CDC42BPG: variants seen among roughly 807,000 people sequenced by gnomAD.
CDC42BPG encodes CDC42 binding protein kinase gamma.
In CDC42BPG, 157 loss-of-function variants were observed where a neutral mutation model predicts 192.2. The ratio of observed to expected loss-of-function variants is 0.82; its 90% CI spans 0.72 to 0.93. CDC42BPG has a LOEUF of 0.93. CDC42BPG is among the 40% of genes least tolerant of loss of function. The pLI is 0.00. For synonymous variants in CDC42BPG, 981 were observed against 918.5 expected (o/e 1.07, Z -1.23); for missense variants, 1,992 against 2,122.1 (o/e 0.94, Z 1.20).
At position 64,835,792 on chromosome 11, in the gene CDC42BPG, C is replaced by T. The variant is rs767414531; in HGVS notation, c.1728G>A (p.Glu576=). 3.7e-6 allele frequency: 6 copies of T among 1,613,270 alleles called. No individual in the cohort carries two copies. The South Asian group carries it at 4.4e-5, about 12-fold the overall frequency. ...CCTGGGACGACTCCTCAAGGCGTTG[C>T]TCCCACTGTCCCTGCAGCTGCGTCA... The part of the protein sequence containing the change: ...RQVTQLQGQW[E]QRLEESSQAK... The change falls in exon 14 of 37, where the codon GAG becomes GAA. Residue 576 remains glutamate (E), a synonymous_variant. Coordinates refer to ENST00000342711, the MANE Select transcript of CDC42BPG (RefSeq NM_017525.3).
At chr11:64,837,927 C>G (rs1361665435) in intron 9 of CDC42BPG, among the ~76,000 whole-genome samples, 156 bp downstream of exon 9, 2 of 152,214 alleles carry the variant, frequency 1.3e-5, no homozygotes, top group African/African-American at 4.8e-5. Flanking sequence ...GTGGCTTCAC[C>G]AGGACCCCGA....
intron 14 of CDC42BPG, 21 bp from the exon 15 acceptor site, chr11:64,835,642 C>A: frequency 6.4e-7 from 1 of 1,573,174 alleles, no homozygotes; most frequent in Non-Finnish European, 8.6e-7. Flanking sequence ...TGGAGGGGGT[C>A]AGGGCAGAGA....
intron 9 of CDC42BPG, among the ~76,000 whole-genome samples, chr11:64,837,753 C>T (rs149731314): frequency 1.2e-4 from 18 of 152,334 alleles, no homozygotes; most frequent in Middle Eastern, 3.4e-3. Flanking sequence ...TAAGCCACCA[C>T]GCCTGGTCCA....
chr11:64,825,835 G>A (rs535480531), intron 36 of CDC42BPG, among the ~76,000 whole-genome samples: 42 of 152,152 alleles, frequency 2.8e-4, no homozygotes, highest in Non-Finnish European at 5.0e-4. Flanking sequence ...GGAGGCCAAG[G>A]TGGGCGGATC....
chr11:64,835,927 A>G (rs1942963895), intron 13 of CDC42BPG, 76 bp from the exon 14 acceptor site: 1 of 1,411,946 alleles, frequency 7.1e-7, no homozygotes. Flanking sequence ...CATGGACTCC[A>G]GACCTGCCAG....
At position 64,834,740 on chromosome 11, in the gene CDC42BPG, AG is replaced by A. The variant is rs1296702886; in HGVS notation, c.2175+108del. ...CTCAGGGAAATCACTATCTCTCATG[AG>A]CTTGGTGTCCCCACCTCCAGTAGTG... On this transcript the variant is annotated intron_variant, in intron 18 of 36. Coordinates refer to ENST00000342711, the MANE Select transcript of CDC42BPG (RefSeq NM_017525.3). 7 of 1,344,380 alleles carry A rather than the reference AG, an allele frequency of 5.2e-6. No individual in the cohort carries two copies. The African/African-American group carries it at 7.2e-5, about 14-fold the overall frequency. The allele number at this position is 1,344,380 out of a possible 1,614,324, so 83.3% of individuals were successfully genotyped here.
chr11:64,825,588 A>AAGC (rs921642628), intron 36 of CDC42BPG, among the ~76,000 whole-genome samples: 1 of 152,186 alleles, frequency 6.6e-6, no homozygotes, highest in Non-Finnish European at 1.5e-5. Context: ...AGAACATGGC[A>AAGC]AGCCCCAGGG....
In CDC42BPG at chr11:64,836,729, G is replaced by GGGGGGGGT; in HGVS notation, c.1384+9_1384+10insACCCCCCC. The GGGGGGGGT allele has an allele frequency of 8.6e-7, 1 of 1,166,958 alleles. No homozygotes were observed. 72.3% of individuals were successfully genotyped at this position (1,166,958 alleles called of 1,614,324 possible). ...CCTGGGGGGGGGGGGGGGGTGGGCG[G>GGGGGGGGT]AAGGGATACCTGGCAGCCTGTCCCG... is the stretch of plus-strand genomic sequence containing the variant. On this transcript the variant is annotated intron_variant, in intron 11 of 36. Coordinates refer to ENST00000342711, the MANE Select transcript of CDC42BPG (RefSeq NM_017525.3).
chr11:64,835,344 C>A lies in CDC42BPG; in HGVS notation c.1953+3G>T. ...TACCCTCCGTCTGTTGTACCCTGCTCACCCGCTCCTGCTCCCGGCTCAGCC... is the reference window on the plus strand; with the variant it reads ...TACCCTCCGTCTGTTGTACCCTGCTAACCCGCTCCTGCTCCCGGCTCAGCC... On this transcript the variant is annotated splice_donor_region_variant and intron_variant, in intron 16 of 36. Transcript: ENST00000342711. 4 of 1,614,036 alleles carry A rather than the reference C, an allele frequency of 2.5e-6. No individual in the cohort carries two copies. Among genetic ancestry groups the A allele is most frequent in the Non-Finnish European group, 3.4e-6 (4 of 1,180,000 alleles).
Position 64,833,492 on chromosome 11 carries a change from C to T in CDC42BPG, c.2625+108G>A, listed in dbSNP as rs568148050. ...CAAGCTCATCGCCACCACCTCCACC[C>T]CAATTGTGCCTGCTAGCCACGATGC... is the stretch of plus-strand genomic sequence containing the variant. On this transcript the variant is annotated intron_variant, in intron 23 of 36. Coordinates refer to ENST00000342711, the MANE Select transcript of CDC42BPG (RefSeq NM_017525.3). 6.1e-6 allele frequency: 7 copies of T among 1,147,200 alleles called. No individual in the cohort carries two copies. In the East Asian group the frequency reaches 1.5e-4, roughly 25 times the overall value. The allele number at this position is 1,147,200 out of a possible 1,614,324, so 71.1% of individuals were successfully genotyped here.
Position 64,826,690 on chromosome 11 carries a change from G to A in CDC42BPG, c.4494C>T (p.Leu1498=), listed in dbSNP as rs371690004. 96 of 1,558,470 alleles carry A rather than the reference G, an allele frequency of 6.2e-5. No homozygotes were observed. Among genetic ancestry groups the A allele is most frequent in the Middle Eastern group, 5.2e-4 (3 of 5,812 alleles). The change falls in exon 35 of 37, where the codon CTC becomes CTT. Residue 1498 remains leucine, a synonymous_variant. Coordinates refer to ENST00000342711, the MANE Select transcript of CDC42BPG (RefSeq NM_017525.3). ...CCTTACTGGGGTCTGCGTCTCCACC[G>A]AGGCCTTCGCTGCCCATGGAGGCTG... ...RRPASMGSEG[L]GGDADPMKRK...
chr11:64,826,067 GAAAAAAAAAA>G (rs10692629), intron 36 of CDC42BPG, among the ~76,000 whole-genome samples: 1 of 134,006 alleles, frequency 7.5e-6, no homozygotes, highest in Non-Finnish European at 1.6e-5. Context: ...ACTCCATCTG[GAAAAAAAAAA>G]AAAAAAAAGA....
In CDC42BPG at chr11:64,844,379, CG is replaced by C. The variant is rs771017684; in HGVS notation, c.160+30del. 30 of 1,363,874 alleles carry C rather than the reference CG, an allele frequency of 2.2e-5. No individual in the cohort carries two copies. In the Admixed American group the frequency reaches 9.1e-4, roughly 41 times the overall value. 84.5% of individuals were successfully genotyped at this position (1,363,874 alleles called of 1,614,324 possible). On this transcript the variant is annotated intron_variant, in intron 1 of 36. Coordinates refer to ENST00000342711, the MANE Select transcript of CDC42BPG (RefSeq NM_017525.3). ...GGTCTCGGCGCGATATCCCTAGGCC[CG>C]CCCCCGCTCCGTGCCGCCCCGCCAC... is the stretch of plus-strand genomic sequence containing the variant.
At chr11:64,825,196 G>C (rs945028021) in intron 36 of CDC42BPG, among the ~76,000 whole-genome samples, 1 of 152,076 alleles carries the variant, frequency 6.6e-6, no homozygotes, top group African/African-American at 2.4e-5. Flanking sequence ...CGATTACAGG[G>C]GTGAGCCACA....
rs1592675222 is a variant in CDC42BPG, at chr11:64,823,804, A to C, written c.*669T>G. 1 of 150,184 alleles carries C rather than the reference A, an allele frequency of 6.7e-6. No homozygotes were observed. The highest frequency in any genetic ancestry group is 1.5e-5 in the Non-Finnish European group (1 of 67,908). The allele number at this position is 150,184 out of a possible 1,614,324, so 9.3% of individuals were successfully genotyped here. ...AGAGAAAGGACCCTTTGTTCTCCAG[A>C]CTCCCTCTCTCCTCCATCCCTCTTT... On this transcript the variant is annotated 3_prime_UTR_variant, in exon 37 of 37. Transcript: ENST00000342711.
rs778593061 is a variant in CDC42BPG, at chr11:64,834,353, G to A, written c.2326C>T (p.Arg776Cys). Residue 776 changes from arginine to cysteine, a missense_variant and splice_region_variant, in exon 20 of 37, where the codon CGT becomes TGT. This residue lies in a region of CDC42BPG where 1,656 missense variants were observed against 1,844.3 expected (regional missense o/e 0.90). Transcript: ENST00000342711. ...VQEAQLQAER[R>C]LQEAEKQSQA... ...CTCTGCTTCTCGGCCTCCTGCAGACGGCTGGGGAGAATGGCAAGGGCTCGC... is the reference window on the plus strand; with the variant it reads ...CTCTGCTTCTCGGCCTCCTGCAGACAGCTGGGGAGAATGGCAAGGGCTCGC... 3.5e-5 allele frequency: 55 copies of A among 1,568,598 alleles called. No homozygotes were observed. The highest frequency in any genetic ancestry group is 1.9e-4 in the Middle Eastern group (1 of 5,302).
intron 27 of CDC42BPG, among the ~76,000 whole-genome samples, chr11:64,832,073 G>A (rs977911643): frequency 6.6e-6 from 1 of 152,248 alleles, no homozygotes; most frequent in African/African-American, 2.4e-5. Context: ...TTCGTGCAAA[G>A]ACAGATGTGA....
At chr11:64,826,205 C>T (rs527908691) in intron 36 of CDC42BPG, among the ~76,000 whole-genome samples, 1 of 152,208 alleles carries the variant, frequency 6.6e-6, no homozygotes, top group Non-Finnish European at 1.5e-5. Flanking sequence ...ACAGGTAAGA[C>T]AAGATCAGGG....
Position 64,836,494 on chromosome 11 carries a change from T to C in CDC42BPG, c.1421A>G (p.Asp474Gly), listed in dbSNP as rs1407072268. ...ACCTGGGCTACCAGCTGGGGGCCCA[T>C]CCGTCTGGGACAATGAGGCCTTGTC... ...LRDKASLSQT[D>G]GPPAGSPGQD... is the part of the protein sequence containing the mutation. The change falls in exon 12 of 37, where the codon GAT (aspartate) becomes GGT (glycine). Residue 474 changes from aspartate to glycine, a missense_variant. This residue lies in a region of CDC42BPG where 1,656 missense variants were observed against 1,844.3 expected (regional missense o/e 0.90). Coordinates refer to ENST00000342711, the MANE Select transcript of CDC42BPG (RefSeq NM_017525.3). 20 of 1,613,200 alleles carry C rather than the reference T, an allele frequency of 1.2e-5. No homozygotes were observed. Among genetic ancestry groups the C allele is most frequent in the Non-Finnish European group, 1.7e-5 (20 of 1,179,902 alleles).
Sources: allele counts gnomAD v4.1 joint callset (sites outside exome capture counted in the v4.1 genomes callset), GRCh38; gene constraint gnomAD v4.1.1; regional missense constraint gnomAD v4.1.1; transcripts MANE v1.5; gene names NCBI Gene and HGNC (gene_info 2026-07-23, HGNC 2026-07-21).